Variants in GPC6 observed in about 807,000 individuals in gnomAD.
GPC6 encodes glypican-6.
Under a neutral mutation model 55.2 loss-of-function variants are expected in GPC6, and 14 were observed. The observed-to-expected ratio is 0.25, with a 90% CI of 0.17 to 0.40. The LOEUF (loss-of-function observed/expected upper bound fraction) is 0.40. GPC6 is among the 10% of genes least tolerant of loss of function. The pLI, the probability that GPC6 is intolerant of heterozygous loss-of-function variation, is 1.00. For missense variants in GPC6, 641 were observed against 708.5 expected, an observed-to-expected ratio of 0.90 and a Z score of 1.08; for synonymous variants, 278 against 259.6, an observed-to-expected ratio of 1.07 and a Z score of -0.68.
At chr13:94,344,049 T>C (rs1433104093) in intron 6 of GPC6, among the ~76,000 whole-genome samples, 5 of 152,156 alleles carry the variant, frequency 3.3e-5, no homozygotes, top group Non-Finnish European at 5.9e-5. Flanking sequence ...TTATTTTAAC[T>C]AAAAACTTTT....
chr13:93,579,073 T>G lies in GPC6; in HGVS notation c.319+33652T>G, dbSNP rs1226641983. Reference sequence around the variant, plus strand: ...AGATTTCGTGAAGATAGAGAGTAGATTGGTAGCTACCAGAGGCTAGGAAGG... The same window carrying G: ...AGATTTCGTGAAGATAGAGAGTAGAGTGGTAGCTACCAGAGGCTAGGAAGG... On this transcript the variant is annotated intron_variant, in intron 2 of 8. Transcript: ENST00000377047. Among the ~76,000 whole-genome samples the G allele has an allele frequency of 5.9e-5, 9 of 152,050 alleles. No homozygotes were observed. In the South Asian group the frequency reaches 1.5e-3, roughly 25 times the overall value.
chr13:93,923,974 A>G (rs1877714465), intron 3 of GPC6, among the ~76,000 whole-genome samples: 1 of 152,088 alleles, frequency 6.6e-6, no homozygotes, highest in African/African-American at 2.4e-5. Context: ...AATGGAATGG[A>G]TGTGGAATGG....
At chr13:93,795,717 C>T (rs1886176561) in intron 2 of GPC6, among the ~76,000 whole-genome samples, 1 of 152,122 alleles carries the variant, frequency 6.6e-6, no homozygotes, top group Admixed American at 6.5e-5. Flanking sequence ...ATCTAGTTCA[C>T]ATATTAGTAG....
intron 1 of GPC6, among the ~76,000 whole-genome samples, chr13:93,350,455 T>A (rs930529996): frequency 6.6e-6 from 1 of 152,074 alleles, no homozygotes; most frequent in African/African-American, 2.4e-5. Flanking sequence ...TAAAATAAAT[T>A]CTTAAATGTC....
intron 1 of GPC6, among the ~76,000 whole-genome samples, chr13:93,350,932 TAC>T (rs983372691): frequency 6.6e-6 from 1 of 152,078 alleles, no homozygotes; most frequent in African/African-American, 2.4e-5. Context: ...CACACACACA[TAC>T]ACACAGACAA....
intron 2 of GPC6, among the ~76,000 whole-genome samples, chr13:93,739,651 G>A (rs553140949): frequency 1.3e-5 from 2 of 152,066 alleles, no homozygotes; most frequent in African/African-American, 4.8e-5. Context: ...GGATGGTCTC[G>A]ATCTCCTGAC....
chr13:93,921,112 A>T (rs1385798517), intron 3 of GPC6, among the ~76,000 whole-genome samples: 2 of 152,154 alleles, frequency 1.3e-5, no homozygotes, highest in African/African-American at 4.8e-5. Context: ...TTGCATTTTT[A>T]AAAAGTCACT....
chr13:93,735,566 A>T (rs1883970791), intron 2 of GPC6, among the ~76,000 whole-genome samples: 1 of 151,956 alleles, frequency 6.6e-6, no homozygotes, highest in South Asian at 2.1e-4. Context: ...TAGACAGAGG[A>T]TGATGAGTAA....
intron 4 of GPC6, among the ~76,000 whole-genome samples, chr13:94,092,333 T>G (rs1885518232): frequency 1.3e-5 from 2 of 152,082 alleles, no homozygotes; most frequent in African/African-American, 2.4e-5. Context: ...CATTCCATTC[T>G]CTGCTTCTAT....
At chr13:94,190,160 T>G (rs1264583801) in intron 4 of GPC6, among the ~76,000 whole-genome samples, 1 of 147,476 alleles carries the variant, frequency 6.8e-6, no homozygotes, top group Non-Finnish European at 1.5e-5. Context: ...CTGTCTTTAC[T>G]AAAAATACAA....
chr13:93,639,144 A>AG (rs1306868789), intron 2 of GPC6, among the ~76,000 whole-genome samples: 7 of 152,192 alleles, frequency 4.6e-5, no homozygotes, highest in Non-Finnish European at 8.8e-5. Flanking sequence ...TAAAGCAAGG[A>AG]GGGGTAAAAA....
intron 2 of GPC6, among the ~76,000 whole-genome samples, chr13:93,571,043 A>G (rs905107039): frequency 6.6e-5 from 10 of 152,016 alleles, no homozygotes; most frequent in East Asian, 1.9e-4. Context: ...ATATATATAT[A>G]TTTTTTAATT....
chr13:93,711,630 A>G (rs1295472799), intron 2 of GPC6, among the ~76,000 whole-genome samples: 1 of 151,406 alleles, frequency 6.6e-6, no homozygotes, highest in South Asian at 2.1e-4. Flanking sequence ...TGTATTGGAC[A>G]TTCTTGGACT....
chr13:93,709,188 A>T (rs751745362), intron 2 of GPC6, among the ~76,000 whole-genome samples: 2 of 151,826 alleles, frequency 1.3e-5, no homozygotes, highest in Non-Finnish European at 1.5e-5. Flanking sequence ...TATAAGGTGG[A>T]TATCAATCTA....
chr13:93,672,397 C>T (rs762257181), intron 2 of GPC6, among the ~76,000 whole-genome samples: 1 of 151,788 alleles, frequency 6.6e-6, no homozygotes, highest in East Asian at 1.9e-4. Context: ...AGTTATCTTG[C>T]CTCTGCTGGT....
intron 2 of GPC6, among the ~76,000 whole-genome samples, chr13:93,594,264 C>T (rs1487204128): frequency 6.6e-6 from 1 of 151,604 alleles, no homozygotes; most frequent in Non-Finnish European, 1.5e-5. Context: ...ATTTCGTCAC[C>T]CAGGTATTAA....
chr13:93,502,784 G>A (rs1018606559), intron 1 of GPC6, among the ~76,000 whole-genome samples: 1 of 151,972 alleles, frequency 6.6e-6, no homozygotes, highest in Admixed American at 6.6e-5. Context: ...ATTTCCATGG[G>A]GTAAATGCTC....
intron 4 of GPC6, among the ~76,000 whole-genome samples, chr13:94,197,874 T>TAA (rs150174472): frequency 6.6e-6 from 1 of 152,070 alleles, no homozygotes; most frequent in Non-Finnish European, 1.5e-5. Context: ...TTAGCAGTGT[T>TAA]AAAAAAAGCT....
intron 3 of GPC6, among the ~76,000 whole-genome samples, chr13:93,934,775 G>A (rs978558187): frequency 1.3e-5 from 2 of 149,182 alleles, no homozygotes; most frequent in African/African-American, 2.5e-5. Flanking sequence ...GATACAATAT[G>A]TGACCATAGT....
Sources: allele counts gnomAD v4.1 joint callset (sites outside exome capture counted in the v4.1 genomes callset), GRCh38; gene constraint gnomAD v4.1.1; transcripts MANE v1.5; gene names NCBI Gene and HGNC (gene_info 2026-07-23, HGNC 2026-07-21).